The following GEMIN8 variants were observed in gnomAD, a reference collection of about 807,000 sequenced individuals.
The protein encoded by GEMIN8 is gem-associated protein 8.
For missense variants in GEMIN8, 185 were observed against 205.9 expected (o/e 0.90, Z 0.62); for synonymous variants, 80 against 78.5 (o/e 1.02, Z -0.10).
At chrX:13,984,412 C>G in the GEMIN8 span, among the ~76,000 whole-genome samples, 3 of 112,363 alleles carry the variant, frequency 2.7e-5, no homozygotes, top group Non-Finnish European at 3.8e-5. Flanking sequence ...ACACTATGGC[C>G]TGGCTCAGAT....
chrX:14,020,916 G>A (rs928093641), intron 3 of GEMIN8, among the ~76,000 whole-genome samples: 1 of 110,865 alleles, frequency 9.0e-6, no homozygotes, highest in Non-Finnish European at 1.9e-5. Context: ...ACTGAGCAAC[G>A]GCCTGCTAAG....
chrX:14,027,382 G>A (rs1224997602), intron 1 of GEMIN8, among the ~76,000 whole-genome samples: 1 of 112,221 alleles, frequency 8.9e-6, no homozygotes, highest in African/African-American at 3.2e-5. Context: ...AGTCCAAATG[G>A]CCTTCTTCCA....
At chrX:13,996,997 C>T in the GEMIN8 span, among the ~76,000 whole-genome samples, 2 of 90,212 alleles carry the variant, frequency 2.2e-5, no homozygotes, top group Non-Finnish European at 4.1e-5. Flanking sequence ...AGTGTAGTGG[C>T]GATATCTCGG....
At chrX:14,028,237 AT>A (rs1220868312) in intron 1 of GEMIN8, among the ~76,000 whole-genome samples, 2 of 111,440 alleles carry the variant, frequency 1.8e-5, no homozygotes, top group Non-Finnish European at 3.8e-5. Context: ...CAGCATAAAA[AT>A]AATAGCTAAT....
chrX:14,026,369 A>G, intron 1 of GEMIN8, 148 bp from the exon 2 acceptor site: 3 of 749,574 alleles, frequency 4.0e-6, no homozygotes, highest in Non-Finnish European at 4.7e-6. Flanking sequence ...GTCTGTCCTC[A>G]ACCACCAAAG....
At chrX:13,984,266 C>T in the GEMIN8 span, among the ~76,000 whole-genome samples, 1 of 112,150 alleles carries the variant, frequency 8.9e-6, no homozygotes, top group Non-Finnish European at 1.9e-5. Flanking sequence ...TGCTTGGACT[C>T]CTGACCCATG....
chrX:14,000,271 G>A, the GEMIN8 span, among the ~76,000 whole-genome samples: 1 of 111,093 alleles, frequency 9.0e-6, no homozygotes, highest in East Asian at 2.8e-4. Context: ...CTGTACTCCA[G>A]CCTGGGCAAC....
chrX:14,017,352 T>C (rs1299429114), intron 4 of GEMIN8, among the ~76,000 whole-genome samples: 1 of 112,029 alleles, frequency 8.9e-6, no homozygotes, highest in Non-Finnish European at 1.9e-5. Flanking sequence ...TTCCCTTTTA[T>C]GATGGTTTGC....
At chrX:14,003,392 T>G (rs978355834), downstream of GEMIN8, among the ~76,000 whole-genome samples, 4 of 112,775 alleles carry the variant, frequency 3.5e-5, no homozygotes, top group Non-Finnish European at 7.5e-5. Context: ...TCTCTGTGCT[T>G]CAGTCTCCTC....
At chrX:13,998,174 G>A in the GEMIN8 span, among the ~76,000 whole-genome samples, 2 of 106,933 alleles carry the variant, frequency 1.9e-5, no homozygotes, top group East Asian at 5.8e-4. Flanking sequence ...TCTCAAGCTC[G>A]GGTGATTCTC....
rs1381298863 is a variant in GEMIN8 at position 14,008,105 on chromosome X, A to G, written c.*808T>C. 9.1e-6 allele frequency among the ~76,000 whole-genome samples: 1 copy of G among 110,416 alleles called. No homozygotes were observed. Among genetic ancestry groups the G allele is most frequent in the African/African-American group, 3.3e-5 (1 of 30,271 alleles). ...AGCAATTCCCCTGCCTCAGTCTCCC[A>G]CGTAGCTGGGATTACAGGCACACAC... On this transcript the variant is annotated 3_prime_UTR_variant, in exon 5 of 5. Coordinates refer to ENST00000680255, the MANE Select transcript of GEMIN8 (RefSeq NM_001042479.2).
rs1924875899 is a variant in GEMIN8 at position 14,029,534 on chromosome X, A to G, written c.-116+243T>C. Reference sequence around the variant, plus strand: ...GATCAGAATTCTTAAAGAGTCGTCCAGTGATTCGGAAGCACTGCAGAGCTG... The same window carrying G: ...GATCAGAATTCTTAAAGAGTCGTCCGGTGATTCGGAAGCACTGCAGAGCTG... On this transcript the variant is annotated intron_variant, in intron 1 of 4. Coordinates refer to ENST00000680255, the MANE Select transcript of GEMIN8 (RefSeq NM_001042479.2). 3 of 112,623 alleles carry G rather than the reference A, an allele frequency of 2.7e-5. No homozygotes were observed. The South Asian group carries it at 1.1e-3, about 41-fold the overall frequency. The allele number at this position is 112,623 out of a possible 1,213,427, so 9.3% of individuals were successfully genotyped here. A position where few individuals can be genotyped will look rare whatever the true frequency, so the allele number is the denominator to read the frequency against.
chrX:13,986,087 C>T, the GEMIN8 span, among the ~76,000 whole-genome samples: 1 of 112,238 alleles, frequency 8.9e-6, no homozygotes, highest in Non-Finnish European at 1.9e-5. Context: ...ACAACAACAA[C>T]AACAAACTTG....
chrX:13,987,021 TAATGTTAA>T, the GEMIN8 span, among the ~76,000 whole-genome samples: 2 of 112,524 alleles, frequency 1.8e-5, no homozygotes, highest in African/African-American at 6.5e-5. Context: ...ATGGACTTTT[TAATGTTAA>T]AATGTTATTT....
chrX:14,000,032 T>C, the GEMIN8 span, among the ~76,000 whole-genome samples: 1 of 111,185 alleles, frequency 9.0e-6, no homozygotes, highest in African/African-American at 3.3e-5. Context: ...GAGTGAGGCA[T>C]GGTGGCTCAC....
chrX:14,024,510 CAAAAACAAAAAA>C (rs1924567743), intron 2 of GEMIN8, among the ~76,000 whole-genome samples: 1 of 106,557 alleles, frequency 9.4e-6, no homozygotes, highest in Non-Finnish European at 1.9e-5. Context: ...AAAACAAAAA[CAAAAACAAAAAA>C]AAAAAGAAGA....
At chrX:14,010,703 T>C (rs1236878375) in intron 4 of GEMIN8, among the ~76,000 whole-genome samples, 1 of 112,114 alleles carries the variant, frequency 8.9e-6, no homozygotes, top group Admixed American at 9.4e-5. Flanking sequence ...TCTTGGAACA[T>C]CCACAGTTTA....
At chrX:13,994,780 A>G in the GEMIN8 span, among the ~76,000 whole-genome samples, 1 of 112,568 alleles carries the variant, frequency 8.9e-6, no homozygotes, top group African/African-American at 3.2e-5. Context: ...TATGAATACC[A>G]TTCTATAGAA....
chrX:14,010,890 A>T (rs73197751), intron 4 of GEMIN8, among the ~76,000 whole-genome samples: 298 of 112,400 alleles, frequency 2.7e-3, no homozygotes, highest in Non-Finnish European at 4.5e-3. Context: ...ATTTGTTTCT[A>T]ATTTTTGGTC....
Sources: gnomAD v4.1 joint callset for allele counts (sites outside exome capture counted in the v4.1 genomes callset) on GRCh38, gnomAD v4.1.1 for gene constraint, MANE v1.5 for transcripts, NCBI Gene and HGNC (gene_info 2026-07-23, HGNC 2026-07-21) for gene names.